The following PARN variants were observed in gnomAD, a reference collection of about 807,000 sequenced individuals.
The protein encoded by PARN is poly(A)-specific ribonuclease.
PARN carries 71 observed loss-of-function variants against 102.8 expected under a neutral mutation model. That is an observed-to-expected ratio of 0.69 (90% CI 0.57 to 0.84). The LOEUF is 0.84. Among genes scored for constraint, PARN ranks in the 40% least tolerant of loss-of-function variants. The pLI is 0.00. For synonymous variants in PARN, 261 were observed against 252.9 expected (o/e 1.03, Z -0.30); for missense variants, 782 against 760.9 (o/e 1.03, Z -0.33).
At chr16:14,547,001 G>A (rs1966986783) in intron 21 of PARN, among the ~76,000 whole-genome samples, 1 of 151,698 alleles carries the variant, frequency 6.6e-6, no homozygotes, top group Non-Finnish European at 1.5e-5. Context: ...GCTGAGGCAG[G>A]AGAATTGCTT....
At chr16:14,535,608 C>G (rs929206955) in intron 21 of PARN, among the ~76,000 whole-genome samples, 2 of 152,150 alleles carry the variant, frequency 1.3e-5, no homozygotes, top group African/African-American at 4.8e-5. Flanking sequence ...AAAAACAGGG[C>G]TACAGTTAGT....
chr16:14,626,522 C>A lies in PARN; in HGVS notation c.327+584G>T, dbSNP rs148448061. 3.6e-4 allele frequency among the ~76,000 whole-genome samples: 54 copies of A among 152,006 alleles called. 1 individual carries two copies. Among genetic ancestry groups the A allele is most frequent in the Non-Finnish European group, 5.1e-4 (35 of 67,986 alleles). Reference sequence around the variant, plus strand: ...ATAATAAAAATCCCAAATGGAGTTACGAAACTATGTTCTCAAATTCAGCTT... The same window carrying A: ...ATAATAAAAATCCCAAATGGAGTTAAGAAACTATGTTCTCAAATTCAGCTT... On this transcript the variant is annotated intron_variant, in intron 5 of 23. Coordinates refer to ENST00000437198, the MANE Select transcript of PARN (RefSeq NM_002582.4).
chr16:14,532,697 G>C (rs1224635918), intron 21 of PARN, among the ~76,000 whole-genome samples: 2 of 151,892 alleles, frequency 1.3e-5, no homozygotes, highest in African/African-American at 2.4e-5. Flanking sequence ...CTCCCAGACG[G>C]GGGGGCGACC....
At position 14,446,925 on chromosome 16, in the gene PARN, C is replaced by A. The variant is rs1961225205; in HGVS notation, c.1827G>T (p.Lys609Asn). 1.2e-6 allele frequency: 2 copies of A among 1,612,978 alleles called. No homozygotes were observed. The highest frequency in any genetic ancestry group is 1.7e-6 in the Non-Finnish European group (2 of 1,179,604). ...GCTCCTTCTTCATTCTTTTTAATTT[C>A]TTGGCCTTTTTCCTTCCCTCTGAGA... ...EPLSEGRKKA[K>N]KLKRMKKELS... Residue 609 changes from lysine (K) to asparagine (N), a missense_variant, in exon 23 of 24, where the codon AAG (lysine) becomes AAT (asparagine). Transcript: ENST00000437198.
chr16:14,481,338 A>T (rs903067956), intron 22 of PARN, among the ~76,000 whole-genome samples: 4 of 152,230 alleles, frequency 2.6e-5, no homozygotes, highest in Non-Finnish European at 4.4e-5. Context: ...GATGAATTTT[A>T]AAAATATATT....
intron 21 of PARN, among the ~76,000 whole-genome samples, chr16:14,529,110 C>T (rs1966174178): frequency 6.6e-6 from 1 of 152,192 alleles, no homozygotes; most frequent in African/African-American, 2.4e-5. Context: ...GCAAAGGTGG[C>T]CCTGAGCGAG....
At position 14,436,616 on chromosome 16, in the gene PARN, T is replaced by C; in HGVS notation, c.*101A>G. ...ACAACTTGGTTTCCAACCCCTCCCA[T>C]ACCACATTTGATTAAGTTAAATACA... On this transcript the variant is annotated 3_prime_UTR_variant, in exon 24 of 24. Coordinates refer to ENST00000437198, the MANE Select transcript of PARN (RefSeq NM_002582.4). 2.4e-6 allele frequency: 2 copies of C among 835,374 alleles called. No individual in the cohort carries two copies. Among genetic ancestry groups the C allele is most frequent in the Non-Finnish European group, 2.0e-6 (1 of 511,488 alleles). 51.7% of individuals were successfully genotyped at this position (835,374 alleles called of 1,614,324 possible).
intron 12 of PARN, among the ~76,000 whole-genome samples, chr16:14,596,015 G>A (rs1464185547): frequency 6.6e-6 from 1 of 152,146 alleles, no homozygotes; most frequent in Non-Finnish European, 1.5e-5. Context: ...GAGAGACACA[G>A]AAATATAGCT....
chr16:14,536,668 G>A (rs974837711), intron 21 of PARN, among the ~76,000 whole-genome samples: 1 of 151,964 alleles, frequency 6.6e-6, no homozygotes, highest in Non-Finnish European at 1.5e-5. Context: ...AAAGAGAGGG[G>A]TATTAAACAA....
intron 22 of PARN, among the ~76,000 whole-genome samples, chr16:14,451,843 T>TAAAAAAAAAAAAAAAAAAAAAA (rs1184998225): frequency 1.8e-5 from 1 of 54,620 alleles, no homozygotes; most frequent in Non-Finnish European, 3.6e-5. Context: ...ACCCCGTCTC[T>TAAAAAAAAAAAAAAAAAAAAAA]AAAAAAAAAA....
At chr16:14,569,828 G>A (rs1231888877) in intron 18 of PARN, among the ~76,000 whole-genome samples, 1 of 151,992 alleles carries the variant, frequency 6.6e-6, no homozygotes, top group East Asian at 1.9e-4. Flanking sequence ...TTGGGGTGAC[G>A]AAAAAGTTCT....
intron 9 of PARN, 29 bp downstream of exon 9, chr16:14,608,252 G>A: frequency 6.8e-7 from 1 of 1,479,982 alleles, no homozygotes; most frequent in Non-Finnish European, 9.2e-7. Flanking sequence ...GTCCCCCACA[G>A]AGCTGCTGCA....
At chr16:14,499,004 TG>T (rs2151621754) in intron 21 of PARN, among the ~76,000 whole-genome samples, 1 of 152,356 alleles carries the variant, frequency 6.6e-6, no homozygotes, top group Non-Finnish European at 1.5e-5. Context: ...AGAATTGTTT[TG>T]ATTTTGAAGT....
At chr16:14,501,297 T>A (rs181811890) in intron 21 of PARN, among the ~76,000 whole-genome samples, 2 of 96,676 alleles carry the variant, frequency 2.1e-5, no homozygotes, top group African/African-American at 6.4e-5. Flanking sequence ...AAAAAAACAA[T>A]AATAATAATA....
chr16:14,629,411 G>A (rs1458535135), intron 2 of PARN, among the ~76,000 whole-genome samples, 186 bp downstream of exon 2: 7 of 152,160 alleles, frequency 4.6e-5, no homozygotes, highest in Non-Finnish European at 7.3e-5. Context: ...ACAAACCTAC[G>A]GCGTATCTTC....
chr16:14,438,051 T>C (rs1960780860), intron 23 of PARN, among the ~76,000 whole-genome samples: 1 of 152,162 alleles, frequency 6.6e-6, no homozygotes. Context: ...AGGCACGTTC[T>C]GGGACACCCA....
chr16:14,571,215 C>T (rs935082005), intron 18 of PARN, among the ~76,000 whole-genome samples: 1 of 152,042 alleles, frequency 6.6e-6, no homozygotes, highest in Non-Finnish European at 1.5e-5. Context: ...GAAAGCCCAT[C>T]TCTACCAAAA....
intron 23 of PARN, among the ~76,000 whole-genome samples, chr16:14,445,119 T>A (rs550901650): frequency 6.6e-6 from 1 of 150,648 alleles, no homozygotes; most frequent in Admixed American, 6.7e-5. Context: ...TGAGCTACCA[T>A]GCCTGGCCCC....
At chr16:14,516,992 G>A (rs184233438) in intron 21 of PARN, among the ~76,000 whole-genome samples, 1 of 152,224 alleles carries the variant, frequency 6.6e-6, no homozygotes, top group Admixed American at 6.5e-5. Flanking sequence ...ACACAGAAGA[G>A]GGAAGGCAGG....
Sources: gnomAD v4.1 joint callset for allele counts (sites outside exome capture counted in the v4.1 genomes callset) on GRCh38, gnomAD v4.1.1 for gene constraint, MANE v1.5 for transcripts, NCBI Gene and HGNC (gene_info 2026-07-23, HGNC 2026-07-21) for gene names.